WDR33: variants seen among roughly 807,000 people sequenced by gnomAD.
WDR33 encodes the protein pre-mRNA 3' end processing protein WDR33.
In WDR33, 47 loss-of-function variants were observed where a neutral mutation model predicts 164.9. The ratio of observed to expected loss-of-function variants is 0.29; its 90% CI spans 0.23 to 0.36. The LOEUF is 0.36. Among genes scored for constraint, WDR33 ranks in the 10% least tolerant of loss-of-function variants. WDR33 has a pLI of 1.00. For missense variants in WDR33, 1,137 were observed against 1,754.1 expected, an observed-to-expected ratio of 0.65 and a Z score of 6.28; for synonymous variants, 505 against 589.0, an observed-to-expected ratio of 0.86 and a Z score of 2.06.
At chr2:127,800,018 A>G (rs1391013370) in intron 1 of WDR33, among the ~76,000 whole-genome samples, 3 of 152,230 alleles carry the variant, frequency 2.0e-5, no homozygotes, top group Admixed American at 1.3e-4. Flanking sequence ...CCCTCATGAG[A>G]AGTCCATCTG....
At chr2:127,781,607 T>C (rs1688371393) in intron 1 of WDR33, among the ~76,000 whole-genome samples, 1 of 152,204 alleles carries the variant, frequency 6.6e-6, no homozygotes, top group Non-Finnish European at 1.5e-5. Context: ...GATCTCTCTG[T>C]ATTATTTCTT....
chr2:127,701,354 G>A lies in WDR33; in HGVS notation c.*4969C>T, dbSNP rs1288986230. On this transcript the variant is annotated 3_prime_UTR_variant, in exon 22 of 22. Transcript: ENST00000322313. Reference sequence around the variant, plus strand: ...GCGGACAGGCAGCACCTGCGACCACGGTACTTGGGGACACCACAAAAGTCC... The same window carrying A: ...GCGGACAGGCAGCACCTGCGACCACAGTACTTGGGGACACCACAAAAGTCC... 5 of 509,230 alleles carry A rather than the reference G, an allele frequency of 9.8e-6. No individual in the cohort carries two copies. The East Asian group carries it at 1.9e-4, about 19-fold the overall frequency. 31.5% of individuals were successfully genotyped at this position (509,230 alleles called of 1,614,324 possible).
intron 2 of WDR33, among the ~76,000 whole-genome samples, chr2:127,769,867 G>A (rs1264727303): frequency 6.6e-6 from 1 of 152,136 alleles, no homozygotes; most frequent in Non-Finnish European, 1.5e-5. Context: ...TAGTAATAAG[G>A]CTAATTCCTA....
intron 1 of WDR33, among the ~76,000 whole-genome samples, chr2:127,784,655 A>T (rs1011661141): frequency 1.3e-5 from 2 of 152,194 alleles, no homozygotes; most frequent in Admixed American, 6.5e-5. Context: ...TACAGAGACT[A>T]CACGTGTGAG....
At chr2:127,784,064 C>T (rs1316961968) in intron 1 of WDR33, among the ~76,000 whole-genome samples, 1 of 151,862 alleles carries the variant, frequency 6.6e-6, no homozygotes, top group Non-Finnish European at 1.5e-5. Context: ...TTCCCAAAAG[C>T]AATTAGTGAG....
intron 1 of WDR33, among the ~76,000 whole-genome samples, chr2:127,803,925 G>T (rs1043452708): frequency 1.4e-5 from 2 of 140,480 alleles, no homozygotes; most frequent in Non-Finnish European, 3.0e-5. Context: ...TCTAGCCTGG[G>T]CAACGAAGTG....
Position 127,766,740 on chromosome 2 carries a change from C to T in WDR33, c.378+1449G>A, listed in dbSNP as rs555731840. ...CCTGATTAAAAAAAAAATTAGACTA[C>T]ACACTGGTTGCTTCTACTCACATAA... On this transcript the variant is annotated intron_variant, in intron 4 of 21. Coordinates refer to ENST00000322313, the MANE Select transcript of WDR33 (RefSeq NM_018383.5). Among the ~76,000 whole-genome samples, 7 of 152,066 alleles carry T rather than the reference C, an allele frequency of 4.6e-5. No homozygotes were observed. The East Asian group carries it at 1.4e-3, about 29-fold the overall frequency.
intron 7 of WDR33, among the ~76,000 whole-genome samples, chr2:127,755,763 T>G (rs1038147005): frequency 6.6e-6 from 1 of 152,186 alleles, no homozygotes; most frequent in Non-Finnish European, 1.5e-5. Flanking sequence ...TGATGACTCA[T>G]GGCATCACAA....
At chr2:127,727,794 G>A (rs1407140640) in intron 7 of WDR33, among the ~76,000 whole-genome samples, 1 of 152,208 alleles carries the variant, frequency 6.6e-6, no homozygotes, top group East Asian at 1.9e-4. Context: ...AGAACATTCA[G>A]AGCTTCCTTC....
rs778161177 is a variant in WDR33, at chr2:127,761,542, C to CT, written c.724+1519dup. On this transcript the variant is annotated intron_variant, in intron 7 of 21. Transcript: ENST00000322313. ...AATAAATAAAATTATTTCATTTTCTCTAAGTTTCCAGGATTTTAAAAACTT... is the reference window on the plus strand; with the variant it reads ...AATAAATAAAATTATTTCATTTTCTCTTAAGTTTCCAGGATTTTAAAAACTT... Among the ~76,000 whole-genome samples the CT allele has an allele frequency of 4.7e-4, 72 of 152,334 alleles. 1 individual carries two copies. Among genetic ancestry groups the CT allele is most frequent in the Admixed American group, 1.1e-3 (17 of 15,298 alleles).
At position 127,719,742 on chromosome 2, in the gene WDR33, T is replaced by A; in HGVS notation, c.2283A>T (p.Gly761=). 1.9e-6 allele frequency: 3 copies of A among 1,613,808 alleles called. No homozygotes were observed. The highest frequency in any genetic ancestry group is 2.5e-6 in the Non-Finnish European group (3 of 1,179,958). Residue 761 remains glycine, a synonymous_variant, in exon 16 of 22, where the codon GGA becomes GGT. Transcript: ENST00000322313. The surrounding 1 kb of genome is among the most constrained non-coding windows in gnomAD (Gnocchi z 6.5). The part of the protein sequence containing the change: ...GPPHPHGIQG[G]PGSQGIQGPV... Reference sequence around the variant, plus strand: ...GACCTTGGATCCCTTGAGACCCTGGTCCGCCTTGGATCCCATGAGGATGAG... The same window carrying A: ...GACCTTGGATCCCTTGAGACCCTGGACCGCCTTGGATCCCATGAGGATGAG...
At chr2:127,775,249 C>T (rs890359794) in intron 1 of WDR33, among the ~76,000 whole-genome samples, 4 of 152,130 alleles carry the variant, frequency 2.6e-5, no homozygotes, top group Admixed American at 2.0e-4. Flanking sequence ...AGTGCAGTGG[C>T]GTGATCCCAG....
rs567135814 is a variant in WDR33, at chr2:127,711,643, T to C, written c.3309-1787A>G. On this transcript the variant is annotated intron_variant, in intron 18 of 21. Transcript: ENST00000322313. The stretch of plus-strand genomic sequence containing the variant: ...CCCTATCTCCCCTCCCCCAAAACAA[T>C]TGCTTCCTTAGCCCCGACTATGTCA... Among the ~76,000 whole-genome samples the C allele has an allele frequency of 1.9e-3, 276 of 148,788 alleles. 3 individuals carry two copies. Among genetic ancestry groups the C allele is most frequent in the Middle Eastern group, 0.014 (4 of 284 alleles).
Position 127,721,796 on chromosome 2 carries a change from T to C in WDR33, c.1671+40A>G. ...CAATAAAAATGTCACCACTACCCTC[T>C]TAGATCATCTTGAATTCCCCCCTAC... On this transcript the variant is annotated intron_variant, in intron 15 of 21. Coordinates refer to ENST00000322313, the MANE Select transcript of WDR33 (RefSeq NM_018383.5). The surrounding 1 kb of genome is among the most constrained non-coding windows in gnomAD (Gnocchi z 4.9). 6.3e-7 allele frequency: 1 copy of C among 1,577,802 alleles called. No individual in the cohort carries two copies. Among genetic ancestry groups the C allele is most frequent in the Non-Finnish European group, 8.6e-7 (1 of 1,165,078 alleles).
In WDR33 at chr2:127,768,106, T is replaced by A. The variant is rs1442431519; in HGVS notation, c.378+83A>T. 19 of 806,440 alleles carry A rather than the reference T, an allele frequency of 2.4e-5. No individual in the cohort carries two copies. In the East Asian group the frequency reaches 6.1e-4, roughly 26 times the overall value. The allele number at this position is 806,440 out of a possible 1,614,324, so 50.0% of individuals were successfully genotyped here. ...GCCCAGATATACTTTTAAAATAATG[T>A]TTAATTTTCTTTGCCCTGTCAAATA... On this transcript the variant is annotated intron_variant, in intron 4 of 21. Transcript: ENST00000322313.
intron 7 of WDR33, among the ~76,000 whole-genome samples, chr2:127,754,029 T>C (rs1258147525): frequency 1.3e-5 from 2 of 152,210 alleles, no homozygotes; most frequent in African/African-American, 4.8e-5. Flanking sequence ...AAAAAATCCA[T>C]TATACTGTAC....
chr2:127,707,927 C>G (rs1686058197), intron 21 of WDR33, among the ~76,000 whole-genome samples: 1 of 152,182 alleles, frequency 6.6e-6, no homozygotes, highest in African/African-American at 2.4e-5. Flanking sequence ...CCACTGCACT[C>G]CAGCCTGGGC....
intron 4 of WDR33, among the ~76,000 whole-genome samples, chr2:127,765,755 C>A (rs758624097): frequency 9.3e-5 from 14 of 149,838 alleles, no homozygotes; most frequent in Admixed American, 2.7e-4. Context: ...GATTTAAGGA[C>A]ACTGAGGCTT....
intron 7 of WDR33, among the ~76,000 whole-genome samples, chr2:127,748,606 G>A (rs1687230553): frequency 6.6e-6 from 1 of 152,136 alleles, no homozygotes; most frequent in African/African-American, 2.4e-5. Context: ...AGAATAAGCA[G>A]GAGTTAATCA....
Sources: gnomAD v4.1 joint callset for allele counts (sites outside exome capture counted in the v4.1 genomes callset) on GRCh38, gnomAD v4.1.1 for gene constraint, Gnocchi (gnomAD v3.1) non-coding constraint, MANE v1.5 for transcripts, NCBI Gene and HGNC (gene_info 2026-07-23, HGNC 2026-07-21) for gene names.